Variants in MFHAS1 observed in about 807,000 individuals in gnomAD.
MFHAS1 encodes the protein multifunctional ROCO family signaling regulator 1, also known as malignant fibrous histiocytoma-amplified sequence 1.
In MFHAS1, 50 loss-of-function variants were observed where a neutral mutation model predicts 70.4. That is an observed-to-expected ratio of 0.71 (90% CI 0.57 to 0.90). MFHAS1 has a LOEUF of 0.90. Among genes scored for constraint, MFHAS1 ranks in the 40% least tolerant of loss-of-function variants. The probability of loss-of-function intolerance (pLI) is 0.00; values close to 1 mark genes in which losing one functional copy is unlikely to be tolerated. For missense variants in MFHAS1, 1,795 were observed against 1,347.6 expected, an observed-to-expected ratio of 1.33 and a Z score of -5.20; for synonymous variants, 952 against 620.0, an observed-to-expected ratio of 1.54 and a Z score of -7.96.
intron 2 of MFHAS1, among the ~76,000 whole-genome samples, chr8:8,787,669 C>G (rs891401646): frequency 6.6e-6 from 1 of 152,178 alleles, no homozygotes; most frequent in Non-Finnish European, 1.5e-5. Flanking sequence ...AAGGAGGACG[C>G]CAGTGTAAAA....
chr8:8,807,675 C>G (rs1585026317), intron 1 of MFHAS1, among the ~76,000 whole-genome samples: 1 of 152,184 alleles, frequency 6.6e-6, no homozygotes, highest in East Asian at 1.9e-4. Context: ...AAAAACCTCA[C>G]CATCCACAAG....
intron 1 of MFHAS1, among the ~76,000 whole-genome samples, chr8:8,879,545 T>A (rs773929822): frequency 4.6e-5 from 7 of 152,208 alleles, no homozygotes; most frequent in African/African-American, 7.2e-5. Flanking sequence ...ACTTGACCAT[T>A]ACTTTCCACC....
intron 1 of MFHAS1, among the ~76,000 whole-genome samples, chr8:8,886,060 A>T (rs1809740720): frequency 6.6e-6 from 1 of 152,258 alleles, no homozygotes; most frequent in Non-Finnish European, 1.5e-5. Flanking sequence ...ATGTCTTAAA[A>T]AGATAATCAC....
At chr8:8,825,927 C>A (rs1563191552) in intron 1 of MFHAS1, among the ~76,000 whole-genome samples, 1 of 152,254 alleles carries the variant, frequency 6.6e-6, no homozygotes, top group East Asian at 1.9e-4. Flanking sequence ...TAGAAGGAGC[C>A]TAAGATACTA....
intron 1 of MFHAS1, among the ~76,000 whole-genome samples, chr8:8,813,463 G>A (rs1338654823): frequency 1.3e-5 from 2 of 152,188 alleles, no homozygotes; most frequent in African/African-American, 4.8e-5. Flanking sequence ...TGTCCCTGAA[G>A]ATCTTCCAGT....
chr8:8,815,738 G>C (rs1319119544), intron 1 of MFHAS1, among the ~76,000 whole-genome samples: 1 of 152,052 alleles, frequency 6.6e-6, no homozygotes, highest in Non-Finnish European at 1.5e-5. Context: ...CCTACACTGT[G>C]GGTGGCATTT....
intron 1 of MFHAS1, among the ~76,000 whole-genome samples, chr8:8,883,363 C>G (rs1197033627): frequency 6.6e-6 from 1 of 152,072 alleles, no homozygotes; most frequent in African/African-American, 2.4e-5. Flanking sequence ...ACAAAATCAG[C>G]AGGCATTCTG....
intron 1 of MFHAS1, among the ~76,000 whole-genome samples, chr8:8,823,367 A>T (rs762532236): frequency 1.1e-4 from 16 of 152,292 alleles, no homozygotes; most frequent in Admixed American, 2.0e-4. Flanking sequence ...CAGAACAAAA[A>T]GAGTAAGGAG....
chr8:8,839,504 A>T (rs1030983719), intron 1 of MFHAS1, among the ~76,000 whole-genome samples: 2 of 152,206 alleles, frequency 1.3e-5, no homozygotes, highest in East Asian at 1.9e-4. Context: ...TCTGGTCCCA[A>T]ATCTACCAAT....
intron 1 of MFHAS1, among the ~76,000 whole-genome samples, chr8:8,828,022 T>C (rs1257530816): frequency 6.6e-6 from 1 of 152,202 alleles, no homozygotes; most frequent in South Asian, 2.1e-4. Flanking sequence ...ACCACATTTA[T>C]TGATGAATTT....
chr8:8,806,372 A>C (rs900083338), intron 1 of MFHAS1, among the ~76,000 whole-genome samples: 8 of 152,208 alleles, frequency 5.3e-5, no homozygotes, highest in African/African-American at 1.7e-4. Flanking sequence ...CAGAATAAAC[A>C]TCCAGGGCCA....
chr8:8,825,169 G>C (rs1378023087), intron 1 of MFHAS1, among the ~76,000 whole-genome samples: 7 of 152,108 alleles, frequency 4.6e-5, no homozygotes, highest in African/African-American at 1.2e-4. Flanking sequence ...TAAAGAAAAG[G>C]GTTGCGGTTT....
At chr8:8,857,239 T>A (rs796192215) in intron 1 of MFHAS1, among the ~76,000 whole-genome samples, 1 of 152,196 alleles carries the variant, frequency 6.6e-6, no homozygotes, top group Non-Finnish European at 1.5e-5. Context: ...TGTGGCCCTA[T>A]TGTTTAGTTA....
At chr8:8,826,551 G>T (rs769610050) in intron 1 of MFHAS1, among the ~76,000 whole-genome samples, 2 of 152,092 alleles carry the variant, frequency 1.3e-5, no homozygotes, top group Non-Finnish European at 2.9e-5. Flanking sequence ...TGGCCAACAC[G>T]GCGAAACCTC....
intron 1 of MFHAS1, chr8:8,859,869 G>C (rs932279760): frequency 7.2e-5 from 11 of 152,206 alleles, no homozygotes; most frequent in Non-Finnish European, 1.6e-4. Flanking sequence ...CCCAATGCCT[G>C]CATTGTTCAA....
intron 1 of MFHAS1, among the ~76,000 whole-genome samples, chr8:8,843,906 CT>C (rs1807934072): frequency 6.6e-6 from 1 of 152,156 alleles, no homozygotes; most frequent in South Asian, 2.1e-4. Flanking sequence ...GCAGTATTAC[CT>C]GCCTAAAGAG....
At chr8:8,884,856 A>G (rs1189819731) in intron 1 of MFHAS1, among the ~76,000 whole-genome samples, 1 of 152,160 alleles carries the variant, frequency 6.6e-6, no homozygotes, top group Non-Finnish European at 1.5e-5. Context: ...AGGCTGAAGT[A>G]GGAGGATCAT....
At chr8:8,862,233 A>T (rs2116891378) in intron 1 of MFHAS1, among the ~76,000 whole-genome samples, 1 of 152,330 alleles carries the variant, frequency 6.6e-6, no homozygotes, top group African/African-American at 2.4e-5. Flanking sequence ...TCTAGGGAAC[A>T]TGCACTAGTA....
chr8:8,849,387 C>T (rs559762782), intron 1 of MFHAS1, among the ~76,000 whole-genome samples: 123 of 152,102 alleles, frequency 8.1e-4, no homozygotes, highest in Admixed American at 1.6e-3. Context: ...AGCCTTGTAG[C>T]AAGTAATTCT....
Sources: allele counts gnomAD v4.1 joint callset (sites outside exome capture counted in the v4.1 genomes callset), GRCh38; gene constraint gnomAD v4.1.1; transcripts MANE v1.5; gene names NCBI Gene and HGNC (gene_info 2026-07-23, HGNC 2026-07-21).